PRKAG2: variants seen among roughly 807,000 people sequenced by gnomAD.
PRKAG2 encodes the protein 5'-AMP-activated protein kinase subunit gamma-2.
A neutral mutation model predicts 69.6 loss-of-function variants in PRKAG2; 26 were observed. The observed-to-expected ratio is 0.37, with a 90% CI of 0.27 to 0.52. The LOEUF (loss-of-function observed/expected upper bound fraction) is 0.52, where lower values mean the gene tolerates loss of function less well. Among genes scored for constraint, PRKAG2 ranks in the 20% least tolerant of loss-of-function variants. The pLI, the probability that PRKAG2 is intolerant of heterozygous loss-of-function variation, is 0.90. For missense variants in PRKAG2, 557 were observed against 740.0 expected, an observed-to-expected ratio of 0.75 and a Z score of 2.87; for synonymous variants, 293 against 285.0, an observed-to-expected ratio of 1.03 and a Z score of -0.28.
At chr7:151,648,117 G>A (rs1204905593) in intron 4 of PRKAG2, among the ~76,000 whole-genome samples, 1 of 152,022 alleles carries the variant, frequency 6.6e-6, no homozygotes, top group African/African-American at 2.4e-5. Flanking sequence ...ATTTGGCGGA[G>A]AGGAGGGGTG....
intron 1 of PRKAG2, among the ~76,000 whole-genome samples, chr7:151,874,570 T>C (rs533297175): frequency 4.7e-4 from 71 of 151,882 alleles, no homozygotes; most frequent in African/African-American, 1.7e-3. Flanking sequence ...CATACATTTA[T>C]AGGACACTTT....
intron 1 of PRKAG2, among the ~76,000 whole-genome samples, chr7:151,831,434 C>A (rs138703867): frequency 2.6e-5 from 4 of 152,090 alleles, no homozygotes; most frequent in Admixed American, 6.5e-5. Context: ...ACAACATGGA[C>A]GAACCTTAAA....
At chr7:151,563,317 T>C (rs762724216) in intron 14 of PRKAG2, among the ~76,000 whole-genome samples, 7 of 152,168 alleles carry the variant, frequency 4.6e-5, no homozygotes, top group South Asian at 4.1e-4. Context: ...CAAAGTACAT[T>C]TGAAAATCTT....
chr7:151,733,425 G>T (rs960764362), intron 3 of PRKAG2, among the ~76,000 whole-genome samples: 3 of 152,202 alleles, frequency 2.0e-5, no homozygotes, highest in Admixed American at 1.3e-4. Flanking sequence ...TGTCAGAAGC[G>T]TAGGAGACAG....
intron 3 of PRKAG2, among the ~76,000 whole-genome samples, chr7:151,760,572 C>T (rs1490637486): frequency 1.3e-5 from 2 of 152,178 alleles, no homozygotes. Flanking sequence ...GACTGCCCTA[C>T]AGCATGAGGC....
chr7:151,823,024 A>G (rs2078825419), intron 1 of PRKAG2, among the ~76,000 whole-genome samples: 1 of 140,726 alleles, frequency 7.1e-6, no homozygotes, highest in Non-Finnish European at 1.6e-5. Context: ...TGGTTTTCAG[A>G]CCCCACCCCA....
intron 1 of PRKAG2, among the ~76,000 whole-genome samples, chr7:151,860,865 T>A (rs7808590): frequency 0.39 from 58,904 of 151,916 alleles, 12,670 homozygotes; most frequent in East Asian, 0.54. Flanking sequence ...TGGGGTCACG[T>A]TAGGCTTGTG....
chr7:151,779,103 A>T (rs1047941311), intron 3 of PRKAG2, among the ~76,000 whole-genome samples: 8 of 152,248 alleles, frequency 5.3e-5, no homozygotes, highest in African/African-American at 1.9e-4. Flanking sequence ...TACTGAAAGA[A>T]AACAGTTGAA....
chr7:151,578,214 G>A (rs192713017), intron 6 of PRKAG2, among the ~76,000 whole-genome samples: 41 of 152,098 alleles, frequency 2.7e-4, no homozygotes, highest in Admixed American at 1.3e-4. Context: ...GCATGGTGGC[G>A]CACACCTGTA....
intron 5 of PRKAG2, among the ~76,000 whole-genome samples, chr7:151,602,919 T>C (rs1816467101): frequency 6.6e-6 from 1 of 152,206 alleles, no homozygotes; most frequent in Non-Finnish European, 1.5e-5. Context: ...TCAGCCATGA[T>C]TGTAAGTTTC....
intron 4 of PRKAG2, among the ~76,000 whole-genome samples, chr7:151,666,409 A>C (rs1013524494): frequency 5.3e-5 from 8 of 152,210 alleles, no homozygotes; most frequent in African/African-American, 1.9e-4. Flanking sequence ...TGAACCTGCC[A>C]ACACCTTGAT....
chr7:151,795,294 G>T (rs1457616694), intron 1 of PRKAG2, among the ~76,000 whole-genome samples: 1 of 152,204 alleles, frequency 6.6e-6, no homozygotes, highest in Non-Finnish European at 1.5e-5. Flanking sequence ...AGGTTGGGGG[G>T]CGCATTTGCA....
intron 4 of PRKAG2, among the ~76,000 whole-genome samples, chr7:151,637,518 C>T (rs895689470): frequency 3.6e-4 from 55 of 152,266 alleles, no homozygotes; most frequent in African/African-American, 1.3e-3. Flanking sequence ...GAAATTCTAA[C>T]AATTAATGTT....
At chr7:151,622,296 G>A (rs2536059) in intron 5 of PRKAG2, among the ~76,000 whole-genome samples, 63,826 of 152,060 alleles carry the variant, frequency 0.42, 13,947 homozygotes, top group Non-Finnish European at 0.48. Flanking sequence ...TTACACATAC[G>A]TCCATAAATG....
chr7:151,568,964 A>G (rs1214941790), intron 10 of PRKAG2, 122 bp from the exon 11 acceptor site: 2 of 1,201,354 alleles, frequency 1.7e-6, no homozygotes, highest in Non-Finnish European at 2.4e-6. Context: ...GTGTTTTGGA[A>G]GAGTTTTAAA....
At chr7:151,692,725 G>C (rs1020609733) in intron 3 of PRKAG2, among the ~76,000 whole-genome samples, 1 of 152,158 alleles carries the variant, frequency 6.6e-6, no homozygotes, top group South Asian at 2.1e-4. Flanking sequence ...GGCAGGGCTC[G>C]GATGGAGACG....
At chr7:151,573,050 T>C (rs965728921) in intron 8 of PRKAG2, among the ~76,000 whole-genome samples, 1 of 151,954 alleles carries the variant, frequency 6.6e-6, no homozygotes, top group African/African-American at 2.4e-5. Flanking sequence ...GAAGCAGAGG[T>C]TGCAGTGAGC....
chr7:151,799,650 G>A (rs1051517567), intron 1 of PRKAG2, among the ~76,000 whole-genome samples: 5 of 152,148 alleles, frequency 3.3e-5, no homozygotes, highest in African/African-American at 7.2e-5. Flanking sequence ...GGAACCTGTC[G>A]TGTCCTCCAG....
At chr7:151,745,361 G>T (rs1445696570) in intron 3 of PRKAG2, among the ~76,000 whole-genome samples, 1 of 152,184 alleles carries the variant, frequency 6.6e-6, no homozygotes, top group Non-Finnish European at 1.5e-5. Flanking sequence ...AGTTCTAAAG[G>T]TCACTGCTGC....
Sources: gnomAD v4.1 joint callset for allele counts (sites outside exome capture counted in the v4.1 genomes callset) on GRCh38, gnomAD v4.1.1 for gene constraint, MANE v1.5 for transcripts, NCBI Gene and HGNC (gene_info 2026-07-23, HGNC 2026-07-21) for gene names.